Variants in CCDC73 observed in about 807,000 individuals in gnomAD.
The protein encoded by CCDC73 is coiled-coil domain containing 73.
CCDC73 carries 95 observed loss-of-function variants against 116.5 expected under a neutral mutation model. That is an observed-to-expected ratio of 0.82 (90% CI 0.69 to 0.97). The LOEUF (loss-of-function observed/expected upper bound fraction) is 0.97, where lower values mean the gene tolerates loss of function less well. CCDC73 is among the 50% of genes least tolerant of loss of function. CCDC73 has a pLI of 0.00. For missense variants in CCDC73, 1,066 were observed against 1,206.8 expected (o/e 0.88, Z 1.73); for synonymous variants, 398 against 401.3 (o/e 0.99, Z 0.10).
chr11:32,607,671 C>G (rs1362864565), intron 17 of CCDC73, among the ~76,000 whole-genome samples: 1 of 152,174 alleles, frequency 6.6e-6, no homozygotes, highest in Non-Finnish European at 1.5e-5. Context: ...GCCAGAGTTA[C>G]TGCCCTTTAG....
At chr11:32,776,134 G>A (rs1850530404) in intron 1 of CCDC73, among the ~76,000 whole-genome samples, 1 of 151,724 alleles carries the variant, frequency 6.6e-6, no homozygotes, top group South Asian at 2.1e-4. Context: ...TCTCTAAATG[G>A]ACCGGTTTGT....
intron 9 of CCDC73, among the ~76,000 whole-genome samples, chr11:32,673,448 T>TA (rs1432809850): frequency 1.3e-5 from 2 of 152,190 alleles, no homozygotes; most frequent in Non-Finnish European, 1.5e-5. Context: ...TATAAAGGTA[T>TA]AAATGCTTCA....
chr11:32,818,142 C>T, the CCDC73 span, among the ~76,000 whole-genome samples: 9 of 152,216 alleles, frequency 5.9e-5, no homozygotes, highest in Admixed American at 3.3e-4. Flanking sequence ...TTGCACTTTC[C>T]GCATGCAATT....
At chr11:32,618,305 G>A (rs1855492485) in intron 14 of CCDC73, among the ~76,000 whole-genome samples, 1 of 152,012 alleles carries the variant, frequency 6.6e-6, no homozygotes, top group South Asian at 2.1e-4. Context: ...TGATTCCATG[G>A]TCTTTGCTAT....
intron 1 of CCDC73, among the ~76,000 whole-genome samples, chr11:32,774,052 T>C (rs1027921136): frequency 1.3e-5 from 2 of 152,160 alleles, no homozygotes; most frequent in Admixed American, 1.3e-4. Flanking sequence ...CACAGTTCAA[T>C]GAGAAGATTT....
At chr11:32,766,524 G>C in intron 1 of CCDC73, among the ~76,000 whole-genome samples, 1 of 152,116 alleles carries the variant, frequency 6.6e-6, no homozygotes, top group Non-Finnish European at 1.5e-5. Flanking sequence ...AATTGTCCCT[G>C]TTTGCAGATG....
In CCDC73 at chr11:32,614,051, T is replaced by G; in HGVS notation, c.2267A>C (p.Gln756Pro). 6.2e-7 allele frequency: 1 copy of G among 1,612,930 alleles called. No homozygotes were observed. Among genetic ancestry groups the G allele is most frequent in the East Asian group, 2.2e-5 (1 of 44,846 alleles). ...CAAACAGTTATTAAATTGACTGTTT[T>G]GCATATCACTCATATTTTTACACAT... is the stretch of plus-strand genomic sequence containing the variant. The part of the protein sequence containing the change: ...KTMCKNMSDM[Q>P]NSQFNNCLGY... Residue 756 changes from glutamine (Q) to proline (P), a missense_variant, in exon 16 of 18, where the codon CAA becomes CCA. By Grantham distance (76) the Gln-to-Pro change is moderately conservative. Transcript: ENST00000335185.
At chr11:32,758,494 C>G (rs1055293906) in intron 2 of CCDC73, 4 of 465,656 alleles carry the variant, frequency 8.6e-6, no homozygotes, top group Admixed American at 6.8e-5. Flanking sequence ...TCAGCAGAGC[C>G]TATGGTGGTT....
At chr11:32,786,056 T>C (rs1443549952) in intron 1 of CCDC73, among the ~76,000 whole-genome samples, 1 of 152,086 alleles carries the variant, frequency 6.6e-6, no homozygotes, top group Admixed American at 6.6e-5. Flanking sequence ...ATGTAATATT[T>C]AATTTGAAGC....
intron 9 of CCDC73, among the ~76,000 whole-genome samples, chr11:32,666,434 C>A (rs1855981945): frequency 6.6e-6 from 1 of 152,204 alleles, no homozygotes; most frequent in African/African-American, 2.4e-5. Context: ...GGTACTCTTT[C>A]TTCCAGTTAA....
chr11:32,683,819 G>A (rs1856170096), intron 6 of CCDC73, among the ~76,000 whole-genome samples: 1 of 152,102 alleles, frequency 6.6e-6, no homozygotes, highest in Admixed American at 6.6e-5. Flanking sequence ...GGTGGTGATA[G>A]ACTGACAAAT....
chr11:32,605,394 T>C (rs1855336076), intron 17 of CCDC73: 1 of 152,176 alleles, frequency 6.6e-6, no homozygotes, highest in Non-Finnish European at 1.5e-5. Flanking sequence ...TAAGAGAACC[T>C]AGGCAAGTCA....
rs1376863944 is a variant in CCDC73 at position 32,629,928 on chromosome 11, A to C, written c.1185+5768T>G. ...AGAATTCCAGCAGATATGCAAAAAA[A>C]AAAAAACAAAAAAAAAACGTTAAAA... On this transcript the variant is annotated intron_variant, in intron 14 of 17. Transcript: ENST00000335185. Among the ~76,000 whole-genome samples, 2 of 148,886 alleles carry C rather than the reference A, an allele frequency of 1.3e-5. 1 individual carries two copies. Among genetic ancestry groups the C allele is most frequent in the South Asian group, 4.2e-4 (2 of 4,806 alleles).
chr11:32,643,894 CTT>C (rs1393205320), intron 12 of CCDC73, among the ~76,000 whole-genome samples: 1 of 151,976 alleles, frequency 6.6e-6, no homozygotes, highest in Non-Finnish European at 1.5e-5. Context: ...CTTTTTGACT[CTT>C]TTGAAATAAC....
rs963409283 is a variant in CCDC73, at chr11:32,730,896, C to T, written c.136-12749G>A. Among the ~76,000 whole-genome samples the T allele has an allele frequency of 4.6e-5, 7 of 152,184 alleles. No individual in the cohort carries two copies. The South Asian group carries it at 6.2e-4, about 13-fold the overall frequency. On this transcript the variant is annotated intron_variant, in intron 2 of 17. Transcript: ENST00000335185. ...GCATTTCCAACTGAGGTACCGGGTG[C>T]ATCTCACTGGGGCTTGTCGGACAGT... is the stretch of plus-strand genomic sequence containing the variant.
intron 2 of CCDC73, among the ~76,000 whole-genome samples, chr11:32,741,102 C>A (rs1850179576): frequency 6.6e-6 from 1 of 151,990 alleles, no homozygotes; most frequent in Non-Finnish European, 1.5e-5. Flanking sequence ...ATGGTCTAAC[C>A]TTGAGAATGA....
intron 6 of CCDC73, among the ~76,000 whole-genome samples, chr11:32,697,479 T>TTC (rs1171893940): frequency 7.8e-6 from 1 of 127,610 alleles, no homozygotes; most frequent in Non-Finnish European, 1.7e-5. Flanking sequence ...TATCTCTTTA[T>TTC]TCTTTTTTTT....
chr11:32,734,831 G>T (rs1273456614), intron 2 of CCDC73, among the ~76,000 whole-genome samples: 2 of 152,034 alleles, frequency 1.3e-5, no homozygotes, highest in Non-Finnish European at 2.9e-5. Flanking sequence ...ATGATCAAGT[G>T]GGCTTCATCC....
intron 9 of CCDC73, among the ~76,000 whole-genome samples, chr11:32,667,660 C>T (rs1408359378): frequency 6.6e-6 from 1 of 152,174 alleles, no homozygotes; most frequent in Non-Finnish European, 1.5e-5. Context: ...GTGGGCTACA[C>T]CCACTGCTCT....
Sources: gnomAD v4.1 joint callset for allele counts (sites outside exome capture counted in the v4.1 genomes callset) on GRCh38, gnomAD v4.1.1 for gene constraint, MANE v1.5 for transcripts, NCBI Gene and HGNC (gene_info 2026-07-23, HGNC 2026-07-21) for gene names.